The following PDE4D variants were observed in gnomAD, a reference collection of about 807,000 sequenced individuals.
The protein encoded by PDE4D is phosphodiesterase 4D, also known as 3',5'-cyclic-AMP phosphodiesterase 4D.
In PDE4D, 24 loss-of-function variants were observed where a neutral mutation model predicts 87.4. The ratio of observed to expected loss-of-function variants is 0.27; its 90% CI spans 0.20 to 0.39. The LOEUF (loss-of-function observed/expected upper bound fraction) is 0.39, where lower values mean the gene tolerates loss of function less well. Ranked by LOEUF, PDE4D falls within the 10% of genes least tolerant of loss-of-function variation. The pLI, the probability that PDE4D is intolerant of heterozygous loss-of-function variation, is 1.00. For missense variants in PDE4D, 714 were observed against 1,041.0 expected (o/e 0.69, Z 4.32); for synonymous variants, 384 against 383.2 (o/e 1.00, Z -0.02).
At position 59,929,501 on chromosome 5, in the gene PDE4D, T is replaced by C. The variant is rs185178562; in HGVS notation, c.272+58987A>G. Among the ~76,000 whole-genome samples the C allele has an allele frequency of 7.9e-3, 926 of 117,114 alleles. 8 individuals carry two copies. Among genetic ancestry groups the C allele is most frequent in the Non-Finnish European group, 0.012 (723 of 61,446 alleles). The allele number at this position is 117,114 out of a possible 152,430, so 76.8% of individuals were successfully genotyped here. A position where few individuals can be genotyped will look rare whatever the true frequency, so the allele number is the denominator to read the frequency against. ...ATTTAAGGATGTGGTATCTACAGTC[T>C]TTTTTTTTTTAATTCAAAATTGGTT... is the stretch of plus-strand genomic sequence containing the variant. On this transcript the variant is annotated intron_variant, in intron 3 of 16. Coordinates refer to the PDE4D transcript ENST00000502484.
intron 5 of PDE4D, among the ~76,000 whole-genome samples, chr5:59,122,152 A>C (rs1052766509): frequency 5.3e-5 from 8 of 150,576 alleles, no homozygotes; most frequent in Non-Finnish European, 1.2e-4. Flanking sequence ...AAAAAAAAAA[A>C]AAAAAAAAAA....
chr5:59,918,709 T>C (rs918063270), intron 3 of PDE4D, among the ~76,000 whole-genome samples: 1 of 152,184 alleles, frequency 6.6e-6, no homozygotes, highest in African/African-American at 2.4e-5. Context: ...TAACCTCTGA[T>C]ATAAGTAACA....
chr5:59,274,503 C>A (rs1388871793), intron 1 of PDE4D, among the ~76,000 whole-genome samples: 1 of 152,080 alleles, frequency 6.6e-6, no homozygotes, highest in East Asian at 1.9e-4. Context: ...GCTTTTATTT[C>A]CCCAGTGTGA....
chr5:59,151,125 T>G (rs1209098514), intron 5 of PDE4D, among the ~76,000 whole-genome samples: 1 of 152,186 alleles, frequency 6.6e-6, no homozygotes, highest in African/African-American at 2.4e-5. Flanking sequence ...TCTAGTTATT[T>G]CTGGTAACCG....
chr5:60,152,525 C>G (rs190229669), intron 2 of PDE4D, among the ~76,000 whole-genome samples: 1 of 151,912 alleles, frequency 6.6e-6, no homozygotes, highest in Non-Finnish European at 1.5e-5. Flanking sequence ...TGGTGGCAGG[C>G]GCCTGTAGTC....
intron 2 of PDE4D, among the ~76,000 whole-genome samples, chr5:60,163,807 G>A (rs1782659865): frequency 2.6e-5 from 4 of 152,208 alleles, no homozygotes; most frequent in East Asian, 3.9e-4. Flanking sequence ...AACAAGAAAG[G>A]GGCAAGATTT....
chr5:59,112,315 T>C (rs933607824), intron 5 of PDE4D, among the ~76,000 whole-genome samples: 2 of 152,180 alleles, frequency 1.3e-5, no homozygotes, highest in Admixed American at 6.6e-5. Flanking sequence ...AGGGGTCAAA[T>C]TGGGCTACAC....
chr5:59,559,663 A>C (rs1819607798), intron 1 of PDE4D, among the ~76,000 whole-genome samples: 1 of 152,184 alleles, frequency 6.6e-6, no homozygotes, highest in African/African-American at 2.4e-5. Context: ...TTTCCACAAT[A>C]CTGAACATTT....
chr5:59,701,261 G>A (rs1316992093), intron 1 of PDE4D, among the ~76,000 whole-genome samples: 2 of 152,064 alleles, frequency 1.3e-5, no homozygotes, highest in Admixed American at 1.3e-4. Context: ...GTTAGGTTCT[G>A]CTTTTTGCCA....
intron 6 of PDE4D, among the ~76,000 whole-genome samples, chr5:59,002,959 C>T (rs1297432078): frequency 3.9e-5 from 6 of 152,120 alleles, no homozygotes; most frequent in African/African-American, 1.4e-4. Context: ...GTAAAGATGA[C>T]AGTGACAATG....
rs142128853 is a variant in PDE4D at position 59,302,498 on chromosome 5, C to A, written c.456-86530G>T. 8.5e-3 allele frequency among the ~76,000 whole-genome samples: 1,292 copies of A among 152,106 alleles called. 18 individuals carry two copies. The highest frequency in any genetic ancestry group is 0.03 in the African/African-American group (1,229 of 41,474). ...CATCACCCAAGCAGTATACACTGCACCATATTTGTAATCTTTTATCCCTCA... is the reference window on the plus strand; with the variant it reads ...CATCACCCAAGCAGTATACACTGCAACATATTTGTAATCTTTTATCCCTCA... On this transcript the variant is annotated intron_variant, in intron 1 of 14. Transcript: ENST00000340635.
intron 2 of PDE4D, among the ~76,000 whole-genome samples, chr5:60,082,991 G>A (rs1284773823): frequency 2.6e-5 from 4 of 152,082 alleles, no homozygotes; most frequent in Non-Finnish European, 5.9e-5. Flanking sequence ...ATCTGAGGTA[G>A]CCCCCTTTAT....
intron 5 of PDE4D, among the ~76,000 whole-genome samples, chr5:59,172,591 C>T (rs1301054917): frequency 6.6e-6 from 1 of 150,930 alleles, no homozygotes; most frequent in Non-Finnish European, 1.5e-5. Context: ...GCCTGTAGTC[C>T]CAGCTACTCA....
intron 1 of PDE4D, among the ~76,000 whole-genome samples, chr5:59,516,694 T>G (rs1237375574): frequency 6.6e-6 from 1 of 152,054 alleles, no homozygotes; most frequent in African/African-American, 2.4e-5. Context: ...TGGAAGAAAT[T>G]TGAGGAAGGC....
intron 1 of PDE4D, among the ~76,000 whole-genome samples, chr5:59,247,720 C>T (rs1000497808): frequency 1.3e-5 from 2 of 152,016 alleles, no homozygotes; most frequent in Admixed American, 1.3e-4. Flanking sequence ...ATCACTTGAA[C>T]CTCACCTGCT....
intron 2 of PDE4D, among the ~76,000 whole-genome samples, chr5:60,008,470 T>G (rs182622005): frequency 3.1e-4 from 47 of 152,152 alleles, no homozygotes; most frequent in African/African-American, 1.0e-3. Flanking sequence ...GCCATAAGTT[T>G]GGAACCACAG....
chr5:59,182,461 CTGTG>C (rs1451771097), intron 4 of PDE4D, among the ~76,000 whole-genome samples: 7 of 151,540 alleles, frequency 4.6e-5, no homozygotes, highest in African/African-American at 9.7e-5. Context: ...TGGGGTCTTG[CTGTG>C]TGTAACAGGG....
intron 5 of PDE4D, among the ~76,000 whole-genome samples, chr5:59,050,364 T>C (rs1761356002): frequency 6.6e-6 from 1 of 152,188 alleles, no homozygotes; most frequent in Admixed American, 6.5e-5. Context: ...AGAAAGGTAA[T>C]TTCTTATGTA....
At chr5:59,011,922 C>T (rs1331089914) in intron 6 of PDE4D, among the ~76,000 whole-genome samples, 2 of 152,168 alleles carry the variant, frequency 1.3e-5, no homozygotes, top group Non-Finnish European at 2.9e-5. Context: ...GGGTTACCCA[C>T]AAAGGGAAGC....
Sources: allele counts gnomAD v4.1 joint callset (sites outside exome capture counted in the v4.1 genomes callset), GRCh38; gene constraint gnomAD v4.1.1; transcripts MANE v1.5; gene names NCBI Gene and HGNC (gene_info 2026-07-23, HGNC 2026-07-21).